Variants in CERS3 observed in about 807,000 individuals in gnomAD.
CERS3 encodes LAG1 homolog, ceramide synthase 3.
CERS3 carries 33 observed loss-of-function variants against 50.3 expected under a neutral mutation model. That is an observed-to-expected ratio of 0.66 (90% confidence interval 0.50 to 0.88). The LOEUF (loss-of-function observed/expected upper bound fraction) is 0.88, where lower values mean the gene tolerates loss of function less well. CERS3 is among the 40% of genes least tolerant of loss of function. CERS3 has a pLI of 0.00. For missense variants in CERS3, 470 were observed against 460.3 expected (o/e 1.02, Z -0.19); for synonymous variants, 176 against 155.2 (o/e 1.13, Z -0.99).
At chr15:100,498,690 C>T (rs1360657007) in intron 3 of CERS3, among the ~76,000 whole-genome samples, 6 of 152,160 alleles carry the variant, frequency 3.9e-5, no homozygotes, top group Non-Finnish European at 8.8e-5. Context: ...AACCAAAAGC[C>T]TAGACATCCC....
At chr15:100,418,193 G>A (rs2032115282) in intron 11 of CERS3, among the ~76,000 whole-genome samples, 1 of 152,066 alleles carries the variant, frequency 6.6e-6, no homozygotes, top group African/African-American at 2.4e-5. Flanking sequence ...AAAAAATTTA[G>A]AAGAATGTGT....
At chr15:100,414,086 T>C (rs1809897743) in intron 11 of CERS3, among the ~76,000 whole-genome samples, 1 of 152,072 alleles carries the variant, frequency 6.6e-6, no homozygotes, top group African/African-American at 2.4e-5. Flanking sequence ...TCTCCCAAAC[T>C]CATTCTATGA....
chr15:100,512,544 A>G (rs1189363136), intron 2 of CERS3, among the ~76,000 whole-genome samples: 3 of 152,154 alleles, frequency 2.0e-5, no homozygotes, highest in Non-Finnish European at 2.9e-5. Context: ...ACTCCTTTCA[A>G]GAGGGTCTGC....
Position 100,484,601 on chromosome 15 carries a change from C to T in CERS3, c.356G>A (p.Ser119Asn). The T allele has an allele frequency of 6.2e-7, 1 of 1,614,216 alleles. No individual in the cohort carries two copies. The highest frequency in any genetic ancestry group is 8.5e-7 in the Non-Finnish European group (1 of 1,180,032). Residue 119 changes from serine (S) to asparagine (N), a missense_variant, in exon 5 of 12, where the codon AGT (serine) becomes AAT (asparagine). By Grantham distance (46) the Ser-to-Asn change is conservative. Coordinates refer to ENST00000679737, the MANE Select transcript of CERS3 (RefSeq NM_001378789.1). Reference sequence around the variant, plus strand: ...GGAAGGCCTCTCTTGATTCCGCCGACTCCTAAACCATCTTTCCACCTGGCG... The same window carrying T: ...GGAAGGCCTCTCTTGATTCCGCCGATTCCTAAACCATCTTTCCACCTGGCG... Reference protein sequence around the residue: ...TERQVERWFRSRRNQERPSRL... With the variant: ...TERQVERWFRNRRNQERPSRL...
At chr15:100,430,795 A>G (rs185621576) in intron 11 of CERS3, among the ~76,000 whole-genome samples, 1 of 152,362 alleles carries the variant, frequency 6.6e-6, no homozygotes, top group East Asian at 1.9e-4. Context: ...TAATTATCCA[A>G]GTTGACAAGG....
intron 11 of CERS3, among the ~76,000 whole-genome samples, chr15:100,404,419 T>G (rs1346035874): frequency 6.6e-6 from 1 of 152,198 alleles, no homozygotes. Flanking sequence ...AGGATCTGTA[T>G]GTAAAACCTA....
At chr15:100,402,959 T>TA in intron 11 of CERS3, 94 bp from the exon 12 acceptor site, 1 of 1,268,084 alleles carries the variant, frequency 7.9e-7, no homozygotes, top group South Asian at 1.5e-5. Context: ...TGGCTCCCTT[T>TA]AAGGAAAACC....
At chr15:100,496,399 A>G (rs1490275322) in intron 3 of CERS3, among the ~76,000 whole-genome samples, 6 of 152,218 alleles carry the variant, frequency 3.9e-5, no homozygotes, top group Non-Finnish European at 7.4e-5. Context: ...TCTTAAAAGC[A>G]TTAAGCTTAA....
intron 11 of CERS3, among the ~76,000 whole-genome samples, chr15:100,417,386 T>C (rs12909489): frequency 0.57 from 86,354 of 151,120 alleles, 24,986 homozygotes; most frequent in Middle Eastern, 0.61. Flanking sequence ...GCTTAAAAAA[T>C]GGCGCACCAC....
Position 100,506,470 on chromosome 15 carries a change from C to CCCCACCG in CERS3, c.-1-4621_-1-4620insCGGTGGG, listed in dbSNP as rs3084750. 1.5e-5 allele frequency among the ~76,000 whole-genome samples: 2 copies of CCCCACCG among 133,512 alleles called. 1 individual carries two copies. The highest frequency in any genetic ancestry group is 5.9e-5 in the African/African-American group (2 of 33,888). The allele number at this position is 133,512 out of a possible 152,430, so 87.6% of individuals were successfully genotyped here. ...GTGTGAAGAAATCGGGACCCCCCCGCCGCCCCACACACACACACACCAGAC... is the reference window on the plus strand; with the variant it reads ...GTGTGAAGAAATCGGGACCCCCCCGCCCCACCGCGCCCCACACACACACACACCAGAC... On this transcript the variant is annotated intron_variant, in intron 2 of 11. Coordinates refer to ENST00000679737, the MANE Select transcript of CERS3 (RefSeq NM_001378789.1).
intron 11 of CERS3, among the ~76,000 whole-genome samples, chr15:100,448,341 G>A (rs931772253): frequency 6.6e-6 from 1 of 152,160 alleles, no homozygotes; most frequent in Non-Finnish European, 1.5e-5. Flanking sequence ...GGCAAAAAAG[G>A]AAAGGGAAGC....
intron 11 of CERS3, among the ~76,000 whole-genome samples, chr15:100,434,942 G>T (rs1226415833): frequency 2.6e-5 from 4 of 152,154 alleles, no homozygotes; most frequent in Non-Finnish European, 5.9e-5. Context: ...AGAGTTTCTT[G>T]TACTTGGTTC....
At chr15:100,442,134 C>G (rs1185669090) in intron 11 of CERS3, among the ~76,000 whole-genome samples, 1 of 152,148 alleles carries the variant, frequency 6.6e-6, no homozygotes, top group South Asian at 2.1e-4. Flanking sequence ...GGTTAACGCT[C>G]CTTTTTCTTT....
chr15:100,479,524 G>C, intron 6 of CERS3, 46 bp from the exon 7 acceptor site: 1 of 1,510,204 alleles, frequency 6.6e-7, no homozygotes, highest in Non-Finnish European at 9.0e-7. Context: ...GAAATAAATT[G>C]GTCGGTGTCA....
chr15:100,499,921 G>A (rs1161354484), intron 3 of CERS3, among the ~76,000 whole-genome samples: 1 of 152,154 alleles, frequency 6.6e-6, no homozygotes, highest in Non-Finnish European at 1.5e-5. Context: ...CCCCTTACAT[G>A]TTAACTGTGT....
At chr15:100,491,009 C>G in intron 3 of CERS3, 78 bp from the exon 4 acceptor site, 1 of 838,630 alleles carries the variant, frequency 1.2e-6, no homozygotes, top group Admixed American at 2.6e-5. Context: ...AAAGCTGTAA[C>G]TTCAGGTTTC....
chr15:100,452,257 C>T (rs1169438030), intron 11 of CERS3, among the ~76,000 whole-genome samples: 1 of 152,030 alleles, frequency 6.6e-6, no homozygotes, highest in Non-Finnish European at 1.5e-5. Context: ...TTTAAAAAAA[C>T]TGAAATTATA....
chr15:100,402,806 T>G lies in CERS3; in HGVS notation c.1059A>C (p.Glu353Asp). 1 of 1,613,994 alleles carries G rather than the reference T, an allele frequency of 6.2e-7. No homozygotes were observed. The highest frequency in any genetic ancestry group is 8.5e-7 in the Non-Finnish European group (1 of 1,179,910). ...TCTCTTTGCCTTTGGTAGCCTCTTC[T>G]TCTTCCTCTTCCTCTTCCTCTTCAT... The part of the protein sequence containing the change: ...EDYEEEEEEE[E>D]EEATKGKEMD... Residue 353 changes from glutamate (E) to aspartate (D), a missense_variant, in exon 12 of 12, where the codon GAA becomes GAC. Physicochemically the swap from Glu to Asp is conservative, Grantham distance 45. Transcript: ENST00000679737.
rs2035239827 is a variant in CERS3 at position 100,479,633 on chromosome 15, A to G, written c.466-155T>C. The G allele has an allele frequency of 8.2e-6, 5 of 612,066 alleles. No homozygotes were observed. The South Asian group carries it at 8.3e-5, about 10-fold the overall frequency. 37.9% of individuals were successfully genotyped at this position (612,066 alleles called of 1,614,324 possible). On this transcript the variant is annotated intron_variant, in intron 6 of 11. Coordinates refer to ENST00000679737, the MANE Select transcript of CERS3 (RefSeq NM_001378789.1). ...ACCTTTGCCATATTCTTTTGCTTCT[A>G]TTGCACGTATTTCTCCCTCTGTAGA...
Sources: allele counts gnomAD v4.1 joint callset (sites outside exome capture counted in the v4.1 genomes callset), GRCh38; gene constraint gnomAD v4.1.1; transcripts MANE v1.5; gene names NCBI Gene and HGNC (gene_info 2026-07-23, HGNC 2026-07-21).